The following SLC25A26 variants were observed in gnomAD, a reference collection of about 807,000 sequenced individuals.
SLC25A26 encodes the protein mitochondrial S-adenosylmethionine carrier protein.
A neutral mutation model predicts 37.8 loss-of-function variants in SLC25A26; 36 were observed. That is an observed-to-expected ratio of 0.95 (90% CI 0.73 to 1.26). The LOEUF (loss-of-function observed/expected upper bound fraction) is 1.26. SLC25A26 is among the 50% of genes most tolerant of loss of function. The pLI is 0.00. For missense variants in SLC25A26, 390 were observed against 331.1 expected (o/e 1.18, Z -1.38); for synonymous variants, 129 against 122.5 (o/e 1.05, Z -0.35).
intron 5 of SLC25A26, among the ~76,000 whole-genome samples, chr3:66,273,159 G>T (rs1224998276): frequency 6.6e-6 from 1 of 152,114 alleles, no homozygotes; most frequent in African/African-American, 2.4e-5. Context: ...GATCATGGTG[G>T]ATAAGCTTTT....
At chr3:66,250,855 A>C (rs926155033) in intron 3 of SLC25A26, among the ~76,000 whole-genome samples, 6 of 152,166 alleles carry the variant, frequency 3.9e-5, no homozygotes, top group African/African-American at 1.4e-4. Context: ...CATCTATTTA[A>C]GGTATCAACA....
intron 5 of SLC25A26, among the ~76,000 whole-genome samples, chr3:66,298,079 C>T (rs947307435): frequency 3.9e-5 from 6 of 152,160 alleles, no homozygotes; most frequent in Admixed American, 2.6e-4. Flanking sequence ...TCTAAGTCCC[C>T]ACTTGAGATC....
intron 1 of SLC25A26, among the ~76,000 whole-genome samples, chr3:66,182,169 G>A (rs1295559333): frequency 6.6e-6 from 1 of 152,194 alleles, no homozygotes; most frequent in East Asian, 1.9e-4. Flanking sequence ...AATGATTCGA[G>A]AGCAGAAATT....
At chr3:66,229,571 T>C (rs2071913663) in intron 1 of SLC25A26, among the ~76,000 whole-genome samples, 2 of 152,246 alleles carry the variant, frequency 1.3e-5, no homozygotes, top group African/African-American at 2.4e-5. Context: ...AGGTGCCTGC[T>C]TCACCTTTGC....
intron 5 of SLC25A26, among the ~76,000 whole-genome samples, chr3:66,321,462 C>T (rs1332379301): frequency 6.6e-6 from 1 of 152,162 alleles, no homozygotes; most frequent in African/African-American, 2.4e-5. Context: ...TTTGATGTTC[C>T]TTCCAGTTTG....
chr3:66,256,504 T>C (rs143469329), intron 3 of SLC25A26, among the ~76,000 whole-genome samples: 12 of 152,320 alleles, frequency 7.9e-5, no homozygotes, highest in African/African-American at 1.4e-4. Flanking sequence ...TTAGAAAATA[T>C]AGGTAGGTAG....
At chr3:66,315,013 C>T (rs911594601) in intron 5 of SLC25A26, among the ~76,000 whole-genome samples, 6 of 147,912 alleles carry the variant, frequency 4.1e-5, no homozygotes, top group Middle Eastern at 3.6e-3. Flanking sequence ...TTCTTTTCTT[C>T]TTTATTAGTC....
At chr3:66,374,849 C>T (rs182037038) in intron 9 of SLC25A26, among the ~76,000 whole-genome samples, 1 of 151,136 alleles carries the variant, frequency 6.6e-6, no homozygotes, top group East Asian at 2.0e-4. Context: ...CCACTGCACT[C>T]CAGCCTGGGT....
chr3:66,140,897 C>T (rs558170974), intron 1 of SLC25A26, among the ~76,000 whole-genome samples: 1 of 152,090 alleles, frequency 6.6e-6, no homozygotes, highest in Non-Finnish European at 1.5e-5. Flanking sequence ...AAGTCCCTTG[C>T]AAGACTTTAG....
At chr3:66,353,646 G>T (rs2076510654) in intron 6 of SLC25A26, among the ~76,000 whole-genome samples, 1 of 152,180 alleles carries the variant, frequency 6.6e-6, no homozygotes, top group Non-Finnish European at 1.5e-5. Context: ...CCTTAATGAT[G>T]ACATGTAGCT....
chr3:66,255,418 C>T (rs571373716), intron 3 of SLC25A26, among the ~76,000 whole-genome samples: 31 of 151,464 alleles, frequency 2.0e-4, no homozygotes, highest in South Asian at 1.3e-3. Context: ...ACATTTTAAT[C>T]TAAGGTTTCA....
At chr3:66,139,971 A>G (rs2070010239) in intron 1 of SLC25A26, among the ~76,000 whole-genome samples, 1 of 152,178 alleles carries the variant, frequency 6.6e-6, no homozygotes, top group Admixed American at 6.5e-5. Context: ...GTGACAAAAA[A>G]CCCAAAAACC....
chr3:66,373,201 A>G (rs993242572), intron 9 of SLC25A26, among the ~76,000 whole-genome samples: 6 of 152,276 alleles, frequency 3.9e-5, no homozygotes, highest in Admixed American at 2.0e-4. Context: ...AGTAGCTGCC[A>G]CTGCCGCGAG....
Position 66,263,312 on chromosome 3 carries a change from C to G in SLC25A26, c.406-20C>G, listed in dbSNP as rs368595173. 30 of 1,604,012 alleles carry G rather than the reference C, an allele frequency of 1.9e-5. No individual in the cohort carries two copies. The African/African-American group carries it at 4.0e-4, about 21-fold the overall frequency. On this transcript the variant is annotated intron_variant, in intron 4 of 9. Transcript: ENST00000354883. ...ATCTCTGCCATTCTTTCTGAACTCTCGGCTGTGTGTTTGTTTCAGGGTATC... is the reference window on the plus strand; with the variant it reads ...ATCTCTGCCATTCTTTCTGAACTCTGGGCTGTGTGTTTGTTTCAGGGTATC...
rs1480852626 is a variant in SLC25A26 at position 66,377,862 on chromosome 3, C to A, written c.*55C>A. The A allele has an allele frequency of 1.5e-6, 2 of 1,291,160 alleles. No homozygotes were observed. The highest frequency in any genetic ancestry group is 1.7e-5 in the Admixed American group (1 of 58,522). 80.0% of individuals were successfully genotyped at this position (1,291,160 alleles called of 1,614,324 possible). A position where few individuals can be genotyped will look rare whatever the true frequency, so the allele number is the denominator to read the frequency against. On this transcript the variant is annotated 3_prime_UTR_variant, in exon 10 of 10. Coordinates refer to ENST00000354883, the MANE Select transcript of SLC25A26 (RefSeq NM_001379210.1). ...TCAAGAGAGGGGCCTGCAGTGCAAACCCTCTTCCGCTGAGCAGCTGTCTGA... is the reference window on the plus strand; with the variant it reads ...TCAAGAGAGGGGCCTGCAGTGCAAAACCTCTTCCGCTGAGCAGCTGTCTGA...
At chr3:66,223,826 C>T (rs966426389) in intron 1 of SLC25A26, among the ~76,000 whole-genome samples, 6 of 152,126 alleles carry the variant, frequency 3.9e-5, no homozygotes, top group African/African-American at 1.4e-4. Context: ...AGTGGGGTAT[C>T]CAGAAACAAA....
chr3:66,134,829 A>T (rs1471903838), intron 1 of SLC25A26, among the ~76,000 whole-genome samples: 1 of 147,682 alleles, frequency 6.8e-6, no homozygotes, highest in African/African-American at 2.5e-5. Context: ...TCTTTCCTTT[A>T]TTTTTTTTTT....
chr3:66,153,341 A>G lies in SLC25A26; in HGVS notation c.-354+19357A>G, dbSNP rs117871075. On this transcript the variant is annotated intron_variant, in intron 1 of 10. Transcript: ENST00000676754. The stretch of plus-strand genomic sequence containing the variant: ...ATGTTAGAACCAGTTATTTATGTGC[A>G]ATGTATTCGGGCATACTGATAGGAA... Among the ~76,000 whole-genome samples the G allele has an allele frequency of 4.7e-4, 72 of 152,298 alleles. No individual in the cohort carries two copies. The East Asian group carries it at 0.013, about 27-fold the overall frequency.
intron 1 of SLC25A26, among the ~76,000 whole-genome samples, chr3:66,176,304 A>G (rs1462827814): frequency 6.6e-6 from 1 of 152,232 alleles, no homozygotes; most frequent in African/African-American, 2.4e-5. Context: ...CATCGAAACT[A>G]AGAAAGTGTT....
Sources: gnomAD v4.1 joint callset for allele counts (sites outside exome capture counted in the v4.1 genomes callset) on GRCh38, gnomAD v4.1.1 for gene constraint, MANE v1.5 for transcripts, NCBI Gene and HGNC (gene_info 2026-07-23, HGNC 2026-07-21) for gene names.